ARHGAP42: variants seen among roughly 807,000 people sequenced by gnomAD.
The protein encoded by ARHGAP42 is rho GTPase-activating protein 42.
ARHGAP42 carries 63 observed loss-of-function variants against 125.0 expected under a neutral mutation model. The ratio of observed to expected loss-of-function variants is 0.50; its 90% CI spans 0.41 to 0.62. The LOEUF (loss-of-function observed/expected upper bound fraction) is 0.62. Ranked by LOEUF, ARHGAP42 falls within the 20% of genes least tolerant of loss-of-function variation. The probability of loss-of-function intolerance (pLI) is 0.00; values close to 1 mark genes in which losing one functional copy is unlikely to be tolerated. For synonymous variants in ARHGAP42, 339 were observed against 351.0 expected (o/e 0.97, Z 0.38); for missense variants, 766 against 1,024.2 (o/e 0.75, Z 3.44).
intron 4 of ARHGAP42, among the ~76,000 whole-genome samples, chr11:100,899,717 G>GTTTTTTTT (rs1565265877): frequency 1.5e-5 from 1 of 67,454 alleles, no homozygotes; most frequent in Non-Finnish European, 2.8e-5. Flanking sequence ...TTTGTTTTGT[G>GTTTTTTTT]TTTTGTTTTT....
intron 4 of ARHGAP42, among the ~76,000 whole-genome samples, chr11:100,898,540 A>T (rs970172080): frequency 3.3e-5 from 5 of 152,016 alleles, no homozygotes; most frequent in African/African-American, 1.2e-4. Context: ...GTCTATTCAG[A>T]GATTCATCTT....
intron 4 of ARHGAP42, among the ~76,000 whole-genome samples, chr11:100,871,162 A>G (rs183527174): frequency 0.028 from 4,303 of 152,238 alleles, 116 homozygotes; most frequent in African/African-American, 0.072. Context: ...GAAACCCTCT[A>G]AAGACTATGA....
chr11:100,720,901 T>C (rs543532063), intron 1 of ARHGAP42, among the ~76,000 whole-genome samples: 25 of 152,210 alleles, frequency 1.6e-4, no homozygotes, highest in Non-Finnish European at 3.1e-4. Flanking sequence ...TAGAATAATA[T>C]GGTGAACTTC....
intron 12 of ARHGAP42, among the ~76,000 whole-genome samples, chr11:100,955,417 A>G (rs914221089): frequency 2.6e-5 from 4 of 152,046 alleles, no homozygotes; most frequent in African/African-American, 7.2e-5. Flanking sequence ...TCTCTCTACA[A>G]TGGAGGAGAT....
chr11:100,946,628 G>A (rs1666668519), intron 10 of ARHGAP42, among the ~76,000 whole-genome samples: 1 of 151,996 alleles, frequency 6.6e-6, no homozygotes, highest in South Asian at 2.1e-4. Flanking sequence ...TGGGGAAATG[G>A]CCAGTCAGTG....
In ARHGAP42 at chr11:100,993,731, A is replaced by G. The variant is rs1858902557; in HGVS notation, c.*4930A>G. 6.0e-6 allele frequency: 1 copy of G among 167,092 alleles called. No homozygotes were observed. Among genetic ancestry groups the G allele is most frequent in the Non-Finnish European group, 1.5e-5 (1 of 68,114 alleles). 10.4% of individuals were successfully genotyped at this position (167,092 alleles called of 1,614,324 possible). On this transcript the variant is annotated 3_prime_UTR_variant, in exon 24 of 24. Coordinates refer to ENST00000298815, the MANE Select transcript of ARHGAP42 (RefSeq NM_152432.4). ...ATGACAAATTAAGTAATAAATATAA[A>G]AGTGATTGTCCATAAATTATCATTG... is the stretch of plus-strand genomic sequence containing the variant.
chr11:100,963,917 C>T (rs1858021725), intron 16 of ARHGAP42, among the ~76,000 whole-genome samples: 1 of 152,082 alleles, frequency 6.6e-6, no homozygotes, highest in Non-Finnish European at 1.5e-5. Context: ...GCTAAAATGG[C>T]TCAATGAGCT....
At chr11:100,929,029 C>A (rs540474423) in intron 6 of ARHGAP42, among the ~76,000 whole-genome samples, 2 of 152,074 alleles carry the variant, frequency 1.3e-5, no homozygotes. Flanking sequence ...TGATAGGTAC[C>A]TTTTCACTAT....
intron 3 of ARHGAP42, among the ~76,000 whole-genome samples, chr11:100,808,393 C>A (rs995864415): frequency 1.2e-4 from 16 of 139,092 alleles, no homozygotes; most frequent in Admixed American, 2.9e-4. Context: ...TATAAATTCA[C>A]TCTTTTTTTT....
chr11:100,831,722 TGGGAAAGGA>T (rs1413918045), intron 3 of ARHGAP42, among the ~76,000 whole-genome samples: 1 of 152,228 alleles, frequency 6.6e-6, no homozygotes, highest in African/African-American at 2.4e-5. Flanking sequence ...TCTGGTTTAC[TGGGAAAGGA>T]GGGAAAAGTG....
chr11:100,987,403 T>C, intron 22 of ARHGAP42, 110 bp from the exon 23 acceptor site: 1 of 876,712 alleles, frequency 1.1e-6, no homozygotes, highest in Non-Finnish European at 1.8e-6. Context: ...TTTATGTACA[T>C]TATGTTCCAA....
intron 2 of ARHGAP42, among the ~76,000 whole-genome samples, chr11:100,787,134 C>T (rs529360952): frequency 1.3e-4 from 19 of 151,680 alleles, no homozygotes; most frequent in African/African-American, 4.6e-4. Context: ...AAAAATTAGG[C>T]GGGCATGGTG....
In ARHGAP42 at chr11:100,992,489, A is replaced by T. The variant is rs946860657; in HGVS notation, c.*3688A>T. 10 of 1,614,110 alleles carry T rather than the reference A, an allele frequency of 6.2e-6. No individual in the cohort carries two copies. Among genetic ancestry groups the T allele is most frequent in the Non-Finnish European group, 8.5e-6 (10 of 1,179,978 alleles). ...TTTTTTGTTACCTTCCAAAATCAAG[A>T]CACTTTTAAGAAACAAAGATAGTTT... On this transcript the variant is annotated 3_prime_UTR_variant, in exon 24 of 24. Transcript: ENST00000298815.
At chr11:100,925,566 C>G (rs908014837) in intron 6 of ARHGAP42, among the ~76,000 whole-genome samples, 1 of 151,852 alleles carries the variant, frequency 6.6e-6, no homozygotes, top group Admixed American at 6.6e-5. Flanking sequence ...GGTGAAACCT[C>G]ATCTCTACTA....
At chr11:100,940,760 G>C (rs12418450) in intron 8 of ARHGAP42, among the ~76,000 whole-genome samples, 2 of 152,056 alleles carry the variant, frequency 1.3e-5, no homozygotes, top group Admixed American at 1.3e-4. Flanking sequence ...TCTTAGATGC[G>C]TGATTCATTC....
chr11:100,898,491 G>T (rs901378469), intron 4 of ARHGAP42, among the ~76,000 whole-genome samples: 4 of 152,004 alleles, frequency 2.6e-5, no homozygotes, highest in African/African-American at 9.7e-5. Context: ...TTGGTTGGTA[G>T]GCTATTAATT....
intron 4 of ARHGAP42, among the ~76,000 whole-genome samples, chr11:100,874,354 C>G (rs1303047950): frequency 1.3e-5 from 2 of 152,194 alleles, no homozygotes; most frequent in East Asian, 3.8e-4. Flanking sequence ...GGTAATTAAA[C>G]CTCAGCATGA....
At chr11:100,910,024 G>A (rs1866866172) in intron 4 of ARHGAP42, among the ~76,000 whole-genome samples, 3 of 152,140 alleles carry the variant, frequency 2.0e-5, no homozygotes, top group Non-Finnish European at 2.9e-5. Context: ...CATGACCATG[G>A]TTATTGTTGG....
rs80033921 is a variant in ARHGAP42 at position 100,907,013 on chromosome 11, G to C, written c.385-6439G>C. On this transcript the variant is annotated intron_variant, in intron 4 of 23. Transcript: ENST00000298815. Reference sequence around the variant, plus strand: ...AGCATCTCATTGAGAGATACACCCAGAAGTTGGTTCTTAGGACACACATAT... The same window carrying C: ...AGCATCTCATTGAGAGATACACCCACAAGTTGGTTCTTAGGACACACATAT... 8.4e-3 allele frequency among the ~76,000 whole-genome samples: 1,278 copies of C among 152,266 alleles called. 20 individuals are homozygous for C. The highest frequency in any genetic ancestry group is 0.029 in the African/African-American group (1,206 of 41,542).
Sources: allele counts gnomAD v4.1 joint callset (sites outside exome capture counted in the v4.1 genomes callset), GRCh38; gene constraint gnomAD v4.1.1; transcripts MANE v1.5; gene names NCBI Gene and HGNC (gene_info 2026-07-23, HGNC 2026-07-21).